Variants in NVL observed in about 807,000 individuals in gnomAD.
NVL encodes the protein nuclear valosin-containing protein-like.
In NVL, 84 loss-of-function variants were observed where a neutral mutation model predicts 110.2. That is an observed-to-expected ratio of 0.76 (90% CI 0.64 to 0.91). The LOEUF is 0.91. Ranked by LOEUF, NVL falls within the 40% of genes least tolerant of loss-of-function variation. The probability of loss-of-function intolerance (pLI) is 0.00; values close to 1 mark genes in which losing one functional copy is unlikely to be tolerated. For synonymous variants in NVL, 354 were observed against 361.1 expected, an observed-to-expected ratio of 0.98 and a Z score of 0.22; for missense variants, 882 against 1,035.9, an observed-to-expected ratio of 0.85 and a Z score of 2.04.
chr1:224,318,479 G>A (rs1670304946), intron 2 of NVL, among the ~76,000 whole-genome samples: 1 of 152,144 alleles, frequency 6.6e-6, no homozygotes. Flanking sequence ...GTACGTGGCT[G>A]TAGTCCCAGC....
intron 2 of NVL, 46 bp downstream of exon 2, chr1:224,326,345 A>G: frequency 7.2e-7 from 1 of 1,398,454 alleles, no homozygotes; most frequent in Non-Finnish European, 1.0e-6. Context: ...TTAAAATGGT[A>G]AAGGAGACAT....
chr1:224,232,500 T>C (rs1660011063), intron 21 of NVL, among the ~76,000 whole-genome samples: 1 of 152,152 alleles, frequency 6.6e-6, no homozygotes, highest in Non-Finnish European at 1.5e-5. Flanking sequence ...GTTAGGACTA[T>C]AGGCATGCAC....
chr1:224,326,419 A>C lies in NVL; in HGVS notation c.103T>G (p.Leu35Val), dbSNP rs1186110563. 6.2e-7 allele frequency: 1 copy of C among 1,612,686 alleles called. No individual in the cohort carries two copies. The highest frequency in any genetic ancestry group is 8.5e-7 in the Non-Finnish European group (1 of 1,179,236). The stretch of plus-strand genomic sequence containing the variant: ...TACACTCTTTGTAAATCAGACGCTA[A>C]GACTCCAATGTCCACATATTTGCCA... ...KCGKYVDIGV[L>V]ASDLQRVYSI... The change falls in exon 2 of 23, where the codon TTA (leucine) becomes GTA (valine). Residue 35 changes from leucine to valine, a missense_variant. Transcript: ENST00000281701.
intron 19 of NVL, 73 bp downstream of exon 19, chr1:224,250,139 T>C: frequency 6.7e-7 from 1 of 1,502,098 alleles, no homozygotes; most frequent in Middle Eastern, 1.8e-4. Flanking sequence ...CAACGAAAAT[T>C]ACTACCTCTT....
intron 5 of NVL, among the ~76,000 whole-genome samples, chr1:224,308,536 C>G (rs1261568610): frequency 1.3e-5 from 2 of 151,224 alleles, no homozygotes; most frequent in East Asian, 3.9e-4. Context: ...AGTAAAAATA[C>G]AAAAATTAGC....
intron 6 of NVL, 133 bp from the exon 7 acceptor site, chr1:224,305,299 AT>A (rs966643799): frequency 1.8e-5 from 15 of 842,686 alleles, no homozygotes; most frequent in Non-Finnish European, 2.7e-5. Context: ...ACTATTCCCA[AT>A]CTCTTTGCTC....
At chr1:224,289,962 C>T (rs1667220494) in intron 12 of NVL, among the ~76,000 whole-genome samples, 1 of 152,128 alleles carries the variant, frequency 6.6e-6, no homozygotes, top group African/African-American at 2.4e-5. Context: ...ATGCTAAGTG[C>T]TGTGACGAAT....
rs186023322 is a variant in NVL at position 224,319,864 on chromosome 1, A to T, written c.132-1934T>A. Among the ~76,000 whole-genome samples, 4 of 152,296 alleles carry T rather than the reference A, an allele frequency of 2.6e-5. No homozygotes were observed. In the East Asian group the frequency reaches 7.7e-4, roughly 29 times the overall value. ...CTAACATTACCGAATAACACCCCACACAGATATTCTGTGCCTTTTGAAGTC... is the reference window on the plus strand; with the variant it reads ...CTAACATTACCGAATAACACCCCACTCAGATATTCTGTGCCTTTTGAAGTC... On this transcript the variant is annotated intron_variant, in intron 2 of 22. Coordinates refer to ENST00000281701, the MANE Select transcript of NVL (RefSeq NM_002533.4).
chr1:224,309,548 T>C (rs1035801114), intron 5 of NVL, among the ~76,000 whole-genome samples: 2 of 151,708 alleles, frequency 1.3e-5, no homozygotes, highest in Non-Finnish European at 1.5e-5. Context: ...ATTTTGATAA[T>C]ATATTCAAAA....
In NVL at chr1:224,296,485, A is replaced by C. The variant is rs1354563082; in HGVS notation, c.1180+16T>G. On this transcript the variant is annotated intron_variant, in intron 11 of 22. Transcript: ENST00000281701. ...AAATTTATTCTCTTAAAATGAATTT[A>C]TTATTTTAAACTAACCATCCATGCA... 7.7e-7 allele frequency: 1 copy of C among 1,300,958 alleles called. No homozygotes were observed. The highest frequency in any genetic ancestry group is 1.1e-6 in the Non-Finnish European group (1 of 946,440). 80.6% of individuals were successfully genotyped at this position (1,300,958 alleles called of 1,614,324 possible). A position where few individuals can be genotyped will look rare whatever the true frequency, so the allele number is the denominator to read the frequency against.
chr1:224,298,959 AT>A (rs968607431), intron 10 of NVL, among the ~76,000 whole-genome samples: 22 of 152,192 alleles, frequency 1.4e-4, no homozygotes, highest in African/African-American at 5.3e-4. Flanking sequence ...CAAAAAAGAG[AT>A]AAGGATCAGT....
intron 18 of NVL, among the ~76,000 whole-genome samples, chr1:224,259,296 G>C (rs546362835): frequency 6.6e-6 from 1 of 152,166 alleles, no homozygotes; most frequent in Admixed American, 6.6e-5. Flanking sequence ...TCACTGTGTT[G>C]GCCAGGCTGG....
intron 18 of NVL, among the ~76,000 whole-genome samples, chr1:224,259,446 AT>A (rs2102793331): frequency 6.6e-6 from 1 of 152,272 alleles, no homozygotes; most frequent in Non-Finnish European, 1.5e-5. Context: ...CTATGTAAAT[AT>A]ACTCAAAACC....
At chr1:224,239,226 T>C (rs1403410523) in intron 19 of NVL, among the ~76,000 whole-genome samples, 1 of 152,218 alleles carries the variant, frequency 6.6e-6, no homozygotes, top group Non-Finnish European at 1.5e-5. Flanking sequence ...GGGCGAGGAA[T>C]TAGAAAACCT....
At position 224,309,256 on chromosome 1, in the gene NVL, G is replaced by A. The variant is rs764154977; in HGVS notation, c.343-993C>T. Among the ~76,000 whole-genome samples the A allele has an allele frequency of 1.6e-4, 24 of 152,178 alleles. No homozygotes were observed. The South Asian group carries it at 3.1e-3, about 20-fold the overall frequency. On this transcript the variant is annotated intron_variant, in intron 5 of 22. Coordinates refer to ENST00000281701, the MANE Select transcript of NVL (RefSeq NM_002533.4). ...ATTGGGACTGGGCGTGGTAGCTCAC[G>A]CCCTGTAATCCTAATGCTTTCGGAG... is the stretch of plus-strand genomic sequence containing the variant.
chr1:224,294,672 G>A (rs1033486636), intron 11 of NVL, among the ~76,000 whole-genome samples: 2 of 152,094 alleles, frequency 1.3e-5, no homozygotes, highest in African/African-American at 4.8e-5. Context: ...CAAATTTTGT[G>A]AAGTATAATA....
intron 16 of NVL, among the ~76,000 whole-genome samples, chr1:224,277,895 G>A (rs1665927304): frequency 6.6e-6 from 1 of 152,168 alleles, no homozygotes; most frequent in African/African-American, 2.4e-5. Context: ...AAGGTCCGGG[G>A]TGTTCTCCAT....
intron 2 of NVL, among the ~76,000 whole-genome samples, chr1:224,322,624 A>C (rs923942537): frequency 3.3e-5 from 5 of 152,162 alleles, no homozygotes; most frequent in African/African-American, 1.2e-4. Flanking sequence ...TGCATGTTAG[A>C]AGAAACCTAG....
intron 19 of NVL, among the ~76,000 whole-genome samples, chr1:224,244,970 G>C (rs1039161536): frequency 2.0e-5 from 3 of 152,190 alleles, no homozygotes; most frequent in Non-Finnish European, 4.4e-5. Context: ...ACAGGTGTGA[G>C]CCACTGTACC....
Sources: allele counts gnomAD v4.1 joint callset (sites outside exome capture counted in the v4.1 genomes callset), GRCh38; gene constraint gnomAD v4.1.1; transcripts MANE v1.5; gene names NCBI Gene and HGNC (gene_info 2026-07-23, HGNC 2026-07-21).